Variants in PAN3 observed in about 807,000 individuals in gnomAD.
PAN3 encodes the protein poly(A) specific ribonuclease subunit PAN3, also known as PAN2-PAN3 deadenylation complex subunit PAN3.
Under a neutral mutation model 96.2 loss-of-function variants are expected in PAN3, and 19 were observed. That is an observed-to-expected ratio of 0.20 (90% CI 0.14 to 0.29). The LOEUF (loss-of-function observed/expected upper bound fraction) is 0.29. Ranked by LOEUF, PAN3 falls within the 10% of genes least tolerant of loss-of-function variation. The probability of loss-of-function intolerance (pLI) is 1.00; values close to 1 mark genes in which losing one functional copy is unlikely to be tolerated. For missense variants in PAN3, 882 were observed against 1,108.1 expected (o/e 0.80, Z 2.90); for synonymous variants, 433 against 406.6 (o/e 1.06, Z -0.78).
At chr13:28,280,101 A>G (rs555006723) in intron 15 of PAN3, among the ~76,000 whole-genome samples, 120 of 152,020 alleles carry the variant, frequency 7.9e-4, no homozygotes, top group Non-Finnish European at 1.3e-3. Flanking sequence ...CAATCTTTTC[A>G]TCTAGCACTA....
chr13:28,163,101 T>G (rs1873089397), intron 1 of PAN3, among the ~76,000 whole-genome samples: 1 of 151,686 alleles, frequency 6.6e-6, no homozygotes, highest in Non-Finnish European at 1.5e-5. Flanking sequence ...TGTAGTGCAG[T>G]GGTATGATGA....
intron 18 of PAN3, among the ~76,000 whole-genome samples, chr13:28,290,547 G>A (rs1042860621): frequency 6.6e-6 from 1 of 152,054 alleles, no homozygotes; most frequent in Non-Finnish European, 1.5e-5. Context: ...CGGGCGTGGT[G>A]GTACATGCCT....
At chr13:28,168,949 T>C (rs1419905738) in intron 1 of PAN3, among the ~76,000 whole-genome samples, 1 of 150,710 alleles carries the variant, frequency 6.6e-6, no homozygotes, top group South Asian at 2.1e-4. Context: ...ACCCGGGAGG[T>C]TGAACTTGCA....
chr13:28,143,255 G>A (rs9551447), intron 1 of PAN3, among the ~76,000 whole-genome samples: 5 of 151,910 alleles, frequency 3.3e-5, no homozygotes, highest in Admixed American at 6.6e-5. Context: ...TGTAGCTTAC[G>A]TAACATTTCG....
intron 5 of PAN3, among the ~76,000 whole-genome samples, chr13:28,208,479 C>T (rs1344172722): frequency 2.0e-5 from 3 of 152,112 alleles, no homozygotes; most frequent in Non-Finnish European, 2.9e-5. Flanking sequence ...CTTTTAAGTA[C>T]AGGTTCAGTA....
chr13:28,267,164 T>G lies in PAN3; in HGVS notation c.1643T>G (p.Ile548Ser), dbSNP rs943835701. Residue 548 changes from isoleucine (I) to serine (S), a missense_variant, in exon 11 of 19, where the codon ATC becomes AGC. Transcript: ENST00000380958. ...TGGAAGAAAATTCAACACTCAAATA[T>G]CGTAACTTTGCGTGAAGTATTTACC... ...DMWKKIQHSN[I>S]VTLREVFTTK... 1.2e-6 allele frequency: 2 copies of G among 1,613,172 alleles called. No individual in the cohort carries two copies. The highest frequency in any genetic ancestry group is 1.7e-6 in the Non-Finnish European group (2 of 1,179,230).
At chr13:28,145,398 A>C (rs1405454270) in intron 1 of PAN3, among the ~76,000 whole-genome samples, 2 of 151,250 alleles carry the variant, frequency 1.3e-5, no homozygotes, top group Non-Finnish European at 1.5e-5. Context: ...GATCTCTGCT[A>C]ACTGCAACCT....
chr13:28,176,422 G>C, intron 2 of PAN3, 71 bp from the exon 3 acceptor site: 1 of 1,371,782 alleles, frequency 7.3e-7, no homozygotes, highest in South Asian at 1.2e-5. Context: ...AAGAGAGCCA[G>C]TCTTAATTGG....
intron 5 of PAN3, among the ~76,000 whole-genome samples, chr13:28,207,555 C>G (rs1279845757): frequency 6.6e-6 from 1 of 152,130 alleles, no homozygotes; most frequent in Non-Finnish European, 1.5e-5. Context: ...CTTGCTTCTC[C>G]TTTGGCTATT....
intron 4 of PAN3, 127 bp from the exon 5 acceptor site, chr13:28,197,055 TAGA>T (rs1342568151): frequency 1.2e-5 from 14 of 1,152,954 alleles, no homozygotes; most frequent in Non-Finnish European, 1.6e-5. Context: ...GTAAGGATAT[TAGA>T]AGGAGTGTTT....
At chr13:28,216,370 G>T (rs1880772336) in intron 5 of PAN3, among the ~76,000 whole-genome samples, 1 of 152,172 alleles carries the variant, frequency 6.6e-6, no homozygotes, top group Non-Finnish European at 1.5e-5. Context: ...TAAGAGGCCT[G>T]TGCAGACTTT....
intron 5 of PAN3, chr13:28,215,709 ATTG>A: frequency 6.7e-7 from 1 of 1,493,638 alleles, no homozygotes; most frequent in Non-Finnish European, 9.1e-7. Flanking sequence ...TGATGCCGCC[ATTG>A]TTGATATAGT....
At chr13:28,219,619 C>T (rs936798228) in intron 5 of PAN3, among the ~76,000 whole-genome samples, 3 of 152,140 alleles carry the variant, frequency 2.0e-5, no homozygotes, top group African/African-American at 4.8e-5. Context: ...AGGTGTTTTC[C>T]GTGTAATCTC....
Position 28,141,462 on chromosome 13 carries a change from CT to C in PAN3, c.430+2397del, listed in dbSNP as rs759736683. 1.9e-3 allele frequency among the ~76,000 whole-genome samples: 170 copies of C among 90,314 alleles called. No individual in the cohort carries two copies. The East Asian group carries it at 0.025, about 13-fold the overall frequency. 59.2% of individuals were successfully genotyped at this position (90,314 alleles called of 152,430 possible). On this transcript the variant is annotated intron_variant, in intron 1 of 18. Transcript: ENST00000380958. ...TCTAGGATTTTCTTTTTCTTTTTTTCTTTTTTTTTTTTTTTTTTTTTTGAGA... is the reference window on the plus strand; with the variant it reads ...TCTAGGATTTTCTTTTTCTTTTTTTCTTTTTTTTTTTTTTTTTTTTTGAGA...
At chr13:28,207,195 T>C (rs1444639578) in intron 5 of PAN3, among the ~76,000 whole-genome samples, 1 of 152,260 alleles carries the variant, frequency 6.6e-6, no homozygotes, top group Admixed American at 6.5e-5. Flanking sequence ...GTTATTGATA[T>C]CATTTGGTGT....
intron 6 of PAN3, among the ~76,000 whole-genome samples, chr13:28,243,163 A>T (rs1393801447): frequency 6.6e-6 from 1 of 152,108 alleles, no homozygotes; most frequent in Non-Finnish European, 1.5e-5. Context: ...TGTTATAGAG[A>T]AGTGCTCATA....
intron 7 of PAN3, among the ~76,000 whole-genome samples, chr13:28,257,888 C>T (rs1380313293): frequency 6.6e-6 from 1 of 150,782 alleles, no homozygotes; most frequent in Non-Finnish European, 1.5e-5. Flanking sequence ...TCTTTGTTCA[C>T]TGCAGCCTCC....
intron 5 of PAN3, among the ~76,000 whole-genome samples, chr13:28,209,866 GA>G (rs1879827979): frequency 6.6e-6 from 1 of 151,844 alleles, no homozygotes; most frequent in Non-Finnish European, 1.5e-5. Flanking sequence ...CTGTAGCCTT[GA>G]TCTTCTGGGC....
At chr13:28,208,082 C>T (rs1201527406) in intron 5 of PAN3, among the ~76,000 whole-genome samples, 2 of 152,030 alleles carry the variant, frequency 1.3e-5, no homozygotes, top group Non-Finnish European at 2.9e-5. Flanking sequence ...TCCCTTGGTA[C>T]AGTTTCATTA....
Sources: gnomAD v4.1 joint callset for allele counts (sites outside exome capture counted in the v4.1 genomes callset) on GRCh38, gnomAD v4.1.1 for gene constraint, MANE v1.5 for transcripts, NCBI Gene and HGNC (gene_info 2026-07-23, HGNC 2026-07-21) for gene names.